Variants in ZFAND3 observed in about 807,000 individuals in gnomAD.
ZFAND3 encodes the protein zinc finger AN1-type containing 3.
A neutral mutation model predicts 29.6 loss-of-function variants in ZFAND3; 10 were observed. The observed-to-expected ratio is 0.34, with a 90% CI of 0.21 to 0.57. The LOEUF (loss-of-function observed/expected upper bound fraction) is 0.57. ZFAND3 is among the 20% of genes least tolerant of loss of function. ZFAND3 has a pLI of 0.86. For missense variants in ZFAND3, 230 were observed against 304.5 expected (o/e 0.76, Z 1.82); for synonymous variants, 128 against 112.6 (o/e 1.14, Z -0.87).
intron 1 of ZFAND3, among the ~76,000 whole-genome samples, chr6:37,841,268 A>G (rs917214013): frequency 2.6e-5 from 4 of 152,188 alleles, no homozygotes; most frequent in African/African-American, 9.7e-5. Flanking sequence ...CTCCTCCCCC[A>G]TAACATTTTA....
chr6:38,141,031 T>C (rs1486210437), intron 5 of ZFAND3, among the ~76,000 whole-genome samples: 1 of 127,064 alleles, frequency 7.9e-6, no homozygotes, highest in Non-Finnish European at 1.6e-5. Flanking sequence ...GCAGACATTG[T>C]AGGACTTCTG....
chr6:37,985,484 C>G (rs113094729), intron 2 of ZFAND3, among the ~76,000 whole-genome samples: 10,248 of 143,320 alleles, frequency 0.072, 422 homozygotes, highest in Non-Finnish European at 0.089. Context: ...CGCCTGGTGG[C>G]ACGTGCTTGT....
At chr6:38,126,802 C>T (rs934935269) in intron 5 of ZFAND3, among the ~76,000 whole-genome samples, 1 of 152,030 alleles carries the variant, frequency 6.6e-6, no homozygotes, top group Non-Finnish European at 1.5e-5. Context: ...ATATGTCTCT[C>T]TATTTAGGTG....
intron 2 of ZFAND3, among the ~76,000 whole-genome samples, chr6:38,050,065 A>C (rs1177471764): frequency 6.9e-6 from 1 of 145,114 alleles, no homozygotes; most frequent in African/African-American, 2.6e-5. Flanking sequence ...AGCAATTATC[A>C]TGCGTCAGCC....
At chr6:38,068,776 A>G (rs1274249580) in intron 3 of ZFAND3, among the ~76,000 whole-genome samples, 1 of 152,210 alleles carries the variant, frequency 6.6e-6, no homozygotes, top group Admixed American at 6.5e-5. Flanking sequence ...AGGATTTTTA[A>G]TGACTAAAGC....
chr6:37,844,560 C>T (rs1220199751), intron 1 of ZFAND3, among the ~76,000 whole-genome samples: 2 of 152,004 alleles, frequency 1.3e-5, no homozygotes, highest in African/African-American at 2.4e-5. Flanking sequence ...AGATAACAGG[C>T]GTGAGCCACT....
intron 1 of ZFAND3, among the ~76,000 whole-genome samples, chr6:37,918,218 A>G (rs1761298811): frequency 6.6e-6 from 1 of 152,090 alleles, no homozygotes; most frequent in Non-Finnish European, 1.5e-5. Context: ...CTGGGACTAC[A>G]GGCACCCACC....
At chr6:38,102,345 G>C (rs536593856) in intron 4 of ZFAND3, among the ~76,000 whole-genome samples, 1 of 152,168 alleles carries the variant, frequency 6.6e-6, no homozygotes, top group Non-Finnish European at 1.5e-5. Flanking sequence ...CTTTTTGTCT[G>C]TATGTGTGTT....
rs572480539 is a variant in ZFAND3 at position 38,129,672 on chromosome 6, G to A, written c.529+12933G>A. On this transcript the variant is annotated intron_variant, in intron 5 of 5. Coordinates refer to ENST00000287218, the MANE Select transcript of ZFAND3 (RefSeq NM_021943.3). ...GTAGGTTCTCTGTTGTTTTCCGTTC[G>A]TCTGTGTGCCTTTTGTTATGCCATT... Among the ~76,000 whole-genome samples, 9 of 152,244 alleles carry A rather than the reference G, an allele frequency of 5.9e-5. 1 individual carries two copies. In the South Asian group the frequency reaches 6.2e-4, roughly 11 times the overall value.
intron 4 of ZFAND3, among the ~76,000 whole-genome samples, chr6:38,102,195 C>T (rs894890989): frequency 2.0e-5 from 3 of 151,934 alleles, no homozygotes; most frequent in South Asian, 4.1e-4. Context: ...CAGTAGAGTA[C>T]TGAACATAGC....
intron 1 of ZFAND3, among the ~76,000 whole-genome samples, chr6:37,894,499 A>G (rs932114155): frequency 1.3e-5 from 2 of 151,910 alleles, no homozygotes; most frequent in Non-Finnish European, 2.9e-5. Context: ...CCTCCAGAGT[A>G]GCTAGGACTT....
intron 3 of ZFAND3, among the ~76,000 whole-genome samples, chr6:38,062,952 GGTGGTGT>G (rs1336628110): frequency 6.6e-6 from 1 of 151,588 alleles, no homozygotes; most frequent in Non-Finnish European, 1.5e-5. Flanking sequence ...AGCCAGGCGT[GGTGGTGT>G]GTGTTTATGG....
intron 3 of ZFAND3, among the ~76,000 whole-genome samples, chr6:38,073,945 A>G (rs1253963229): frequency 6.6e-6 from 1 of 152,214 alleles, no homozygotes; most frequent in East Asian, 1.9e-4. Flanking sequence ...TTACTTAAAT[A>G]TTCACATTTT....
intron 2 of ZFAND3, among the ~76,000 whole-genome samples, chr6:37,991,441 C>T (rs1466174166): frequency 6.6e-6 from 1 of 151,954 alleles, no homozygotes; most frequent in Admixed American, 6.6e-5. Context: ...CAACTTTTGC[C>T]CCCCAGGTTC....
At chr6:38,055,906 A>G (rs1764125599) in intron 2 of ZFAND3, among the ~76,000 whole-genome samples, 1 of 152,212 alleles carries the variant, frequency 6.6e-6, no homozygotes, top group Non-Finnish European at 1.5e-5. Flanking sequence ...AGCATTGGCC[A>G]CTTATTTATC....
intron 1 of ZFAND3, among the ~76,000 whole-genome samples, chr6:37,904,832 C>T (rs1428019856): frequency 1.3e-5 from 2 of 152,130 alleles, no homozygotes; most frequent in African/African-American, 4.8e-5. Context: ...ATGTGGATGT[C>T]AGTCAATGTT....
At chr6:37,895,938 A>G (rs142745486) in intron 1 of ZFAND3, among the ~76,000 whole-genome samples, 12 of 152,284 alleles carry the variant, frequency 7.9e-5, no homozygotes, top group Non-Finnish European at 1.5e-4. Flanking sequence ...TGTCCTATGA[A>G]TTGTGAGGTT....
intron 1 of ZFAND3, among the ~76,000 whole-genome samples, chr6:37,829,753 A>G (rs1364089321): frequency 1.3e-5 from 2 of 152,154 alleles, no homozygotes; most frequent in African/African-American, 4.8e-5. Context: ...CACTTCCAAT[A>G]TGTGCTTAAA....
chr6:37,854,409 A>G (rs1764338477), intron 1 of ZFAND3, among the ~76,000 whole-genome samples: 1 of 152,234 alleles, frequency 6.6e-6, no homozygotes, highest in Non-Finnish European at 1.5e-5. Context: ...ACATTTAAAG[A>G]CAAAGTTACA....
Sources: allele counts gnomAD v4.1 joint callset (sites outside exome capture counted in the v4.1 genomes callset), GRCh38; gene constraint gnomAD v4.1.1; transcripts MANE v1.5; gene names NCBI Gene and HGNC (gene_info 2026-07-23, HGNC 2026-07-21).